The following TMEM91 variants were observed in gnomAD, a reference collection of about 807,000 sequenced individuals.
TMEM91 encodes the protein dispanin subfamily C member 3.
A neutral mutation model predicts 13.3 loss-of-function variants in TMEM91; 6 were observed. That is an observed-to-expected ratio of 0.45 (90% CI 0.25 to 0.89). The LOEUF (loss-of-function observed/expected upper bound fraction) is 0.89, where lower values mean the gene tolerates loss of function less well. Ranked by LOEUF, TMEM91 falls within the 40% of genes least tolerant of loss-of-function variation. TMEM91 has a pLI of 0.19. For missense variants in TMEM91, 193 were observed against 228.7 expected (o/e 0.84, Z 1.01); for synonymous variants, 87 against 101.7 (o/e 0.86, Z 0.87).
chr19:41,371,660 G>A (rs1280054508), upstream of TMEM91, among the ~76,000 whole-genome samples: 1 of 151,306 alleles, frequency 6.6e-6, no homozygotes, highest in South Asian at 2.1e-4. Flanking sequence ...CCTCGTGATC[G>A]GCCTGCCTCA....
At chr19:41,371,114 G>T (rs1444093835) in intron 1 of TMEM91, among the ~76,000 whole-genome samples, 1 of 151,874 alleles carries the variant, frequency 6.6e-6, no homozygotes, top group Non-Finnish European at 1.5e-5. Flanking sequence ...CAATTATTGT[G>T]CCTCAGCCTC....
chr19:41,365,711 T>G (rs1296429894), intron 1 of TMEM91, among the ~76,000 whole-genome samples: 6 of 134,320 alleles, frequency 4.5e-5, no homozygotes, highest in Non-Finnish European at 7.9e-5. Flanking sequence ...GGCCGGGTTT[T>G]TTTTTTTTTT....
Position 41,383,522 on chromosome 19 carries a change from TTA to T in TMEM91, c.361-191_361-190del, listed in dbSNP as rs373093385. On this transcript the variant is annotated intron_variant, in intron 3 of 3. Coordinates refer to ENST00000392002, the MANE Select transcript of TMEM91 (RefSeq NM_001098821.2). ...TATTTTTTAAAATTTATTATTATTA[TTA>T]TTTTTTACCATTTTAATGTTTTTAT... 1,724 of 1,469,566 alleles carry T rather than the reference TTA, an allele frequency of 1.2e-3. 24 individuals carry two copies. The African/African-American group carries it at 0.022, about 18-fold the overall frequency. The allele number at this position is 1,469,566 out of a possible 1,614,324, so 91.0% of individuals were successfully genotyped here.
At chr19:41,372,980 C>T (rs2038648433), upstream of TMEM91, among the ~76,000 whole-genome samples, 1 of 151,188 alleles carries the variant, frequency 6.6e-6, no homozygotes, top group Non-Finnish European at 1.5e-5. Flanking sequence ...ACTTTGTTGC[C>T]CAGGCTGGAC....
rs1568488490 is a variant in TMEM91, at chr19:41,368,178, C to T, written c.-30+4083C>T. On this transcript the variant is annotated intron_variant, in intron 1 of 3. Coordinates refer to the TMEM91 transcript ENST00000413014. ...GTAATCCCAGCACATTGAGAGGCCA[C>T]AGCAACAGGATCACTTGAGGCCAGG... is the stretch of plus-strand genomic sequence containing the variant. 2.0e-5 allele frequency among the ~76,000 whole-genome samples: 3 copies of T among 151,978 alleles called. 1 individual carries two copies. In the East Asian group the frequency reaches 5.8e-4, roughly 29 times the overall value.
At chr19:41,381,821 C>T (rs2038895337) in intron 2 of TMEM91, among the ~76,000 whole-genome samples, 1 of 151,946 alleles carries the variant, frequency 6.6e-6, no homozygotes, top group African/African-American at 2.4e-5. Flanking sequence ...CAATAATCTC[C>T]ATCTTTTTGC....
chr19:41,384,037 G>C lies in TMEM91; in HGVS notation c.*164G>C. ...TTCCCCTTCCTGGCCACCGCTCTTC[G>C]GGCGGCAGCAACCTGAGATTAAACA... On this transcript the variant is annotated 3_prime_UTR_variant, in exon 4 of 4. Transcript: ENST00000392002. 2 of 1,277,374 alleles carry C rather than the reference G, an allele frequency of 1.6e-6. No individual in the cohort carries two copies. The highest frequency in any genetic ancestry group is 2.1e-6 in the Non-Finnish European group (2 of 965,256). The allele number at this position is 1,277,374 out of a possible 1,614,324, so 79.1% of individuals were successfully genotyped here.
chr19:41,373,947 G>A (rs2038664839), upstream of TMEM91: 1 of 152,186 alleles, frequency 6.6e-6, no homozygotes, highest in East Asian at 2.0e-4. Flanking sequence ...CAAAGGGCTG[G>A]GATTACAGGC....
Position 41,378,396 on chromosome 19 carries a change from T to C in TMEM91, c.87T>C (p.His29=). The change falls in exon 2 of 4, where the codon CAT becomes CAC. Residue 29 remains histidine, a synonymous_variant. Transcript: ENST00000392002. ...CETPAQKPGR[H]ELGSPLREIA... ...CCCCTGCCCAGAAGCCTGGCAGGCA[T>C]GAGCTGGGGTCCCCCTTAAGAGAGA... 6.2e-7 allele frequency: 1 copy of C among 1,614,126 alleles called. No homozygotes were observed. Among genetic ancestry groups the C allele is most frequent in the Non-Finnish European group, 8.5e-7 (1 of 1,179,972 alleles).
chr19:41,383,405 C>A, intron 3 of TMEM91: 1 of 919,072 alleles, frequency 1.1e-6, no homozygotes, highest in Non-Finnish European at 1.5e-6. Context: ...TCACTTTCCT[C>A]ATCTGTAAAG....
chr19:41,378,361 G>C lies in TMEM91; in HGVS notation c.52G>C (p.Glu18Gln). 6.2e-7 allele frequency: 1 copy of C among 1,614,234 alleles called. No individual in the cohort carries two copies. Among genetic ancestry groups the C allele is most frequent in the Non-Finnish European group, 8.5e-7 (1 of 1,180,044 alleles). Residue 18 changes from glutamate (E) to glutamine (Q), a missense_variant, in exon 2 of 4, where the codon GAA (glutamate) becomes CAA (glutamine). Physicochemically the swap from Glu to Gln is conservative, Grantham distance 29 (BLOSUM62 2). Coordinates refer to ENST00000392002, the MANE Select transcript of TMEM91 (RefSeq NM_001098821.2). ...ELQQPLLEGT[E>Q]CETPAQKPGR... Reference sequence around the variant, plus strand: ...TCAACAGCCTCTGCTGGAGGGCACAGAATGTGAGACCCCTGCCCAGAAGCC... The same window carrying C: ...TCAACAGCCTCTGCTGGAGGGCACACAATGTGAGACCCCTGCCCAGAAGCC...
chr19:41,383,394 C>G (rs2038938068), intron 3 of TMEM91: 2 of 852,904 alleles, frequency 2.3e-6, no homozygotes, highest in Non-Finnish European at 3.2e-6. Flanking sequence ...TTCCCTGTGC[C>G]TCACTTTCCT....
At position 41,378,035 on chromosome 19, in the gene TMEM91, C is replaced by CAA. The variant is rs11449744; in HGVS notation, c.-29-229_-29-228dup. ...TGGGCAACAGATGGAGACTTTGTCT[C>CAA]AAAAAAAAAAAAAAAAAAGAGAGAG... On this transcript the variant is annotated intron_variant, in intron 1 of 3. Transcript: ENST00000392002. Among the ~76,000 whole-genome samples, 519 of 101,564 alleles carry CAA rather than the reference C, an allele frequency of 5.1e-3. 3 individuals carry two copies. Among genetic ancestry groups the CAA allele is most frequent in the African/African-American group, 0.011 (282 of 25,978 alleles). The allele number at this position is 101,564 out of a possible 152,430, so 66.6% of individuals were successfully genotyped here.
chr19:41,383,397 A>T, intron 3 of TMEM91: 1 of 875,474 alleles, frequency 1.1e-6, no homozygotes. Flanking sequence ...CCTGTGCCTC[A>T]CTTTCCTCAT....
At chr19:41,383,594 G>T in intron 3 of TMEM91, 121 bp from the exon 4 acceptor site, 2 of 1,613,642 alleles carry the variant, frequency 1.2e-6, no homozygotes, top group Non-Finnish European at 1.7e-6. Context: ...TAGGTGCTAC[G>T]TATCTGCTTT....
chr19:41,379,488 T>C (rs2038819305), intron 2 of TMEM91, among the ~76,000 whole-genome samples: 1 of 146,030 alleles, frequency 6.8e-6, no homozygotes, highest in South Asian at 2.1e-4. Context: ...TCATACCACC[T>C]TACTCCAGCC....
intron 1 of TMEM91, among the ~76,000 whole-genome samples, chr19:41,364,795 GATTT>G (rs1046733524): frequency 3.3e-5 from 5 of 151,876 alleles, no homozygotes; most frequent in Non-Finnish European, 5.9e-5. Context: ...CCTATTGATT[GATTT>G]ATCAATCAAG....
chr19:41,378,586 A>T, intron 2 of TMEM91, 67 bp downstream of exon 2: 1 of 1,548,844 alleles, frequency 6.5e-7, no homozygotes, highest in Non-Finnish European at 8.8e-7. Flanking sequence ...TAAGGCCAGC[A>T]TCTGGCAGGT....
At chr19:41,364,291 G>A (rs898122923) in intron 1 of TMEM91, 5 of 152,890 alleles carry the variant, frequency 3.3e-5, no homozygotes, top group African/African-American at 1.2e-4. Flanking sequence ...CGTCTCTCCA[G>A]CTACGGCAAA....
Sources: gnomAD v4.1 joint callset for allele counts (sites outside exome capture counted in the v4.1 genomes callset) on GRCh38, gnomAD v4.1.1 for gene constraint, MANE v1.5 for transcripts, NCBI Gene and HGNC (gene_info 2026-07-23, HGNC 2026-07-21) for gene names.